The following CADM2 variants were observed in gnomAD, a reference collection of about 807,000 sequenced individuals.
The protein encoded by CADM2 is immunoglobulin superfamily member 4D.
A neutral mutation model predicts 49.8 loss-of-function variants in CADM2; 12 were observed. That is an observed-to-expected ratio of 0.24 (90% CI 0.15 to 0.39). The LOEUF (loss-of-function observed/expected upper bound fraction) is 0.39. CADM2 is among the 10% of genes least tolerant of loss of function. The pLI is 1.00. For synonymous variants in CADM2, 214 were observed against 175.4 expected, an observed-to-expected ratio of 1.22 and a Z score of -1.74; for missense variants, 378 against 492.3, an observed-to-expected ratio of 0.77 and a Z score of 2.20.
intron 8 of CADM2, among the ~76,000 whole-genome samples, chr3:85,986,021 A>T (rs1266877724): frequency 3.9e-5 from 6 of 152,070 alleles, no homozygotes; most frequent in Admixed American, 3.9e-4. Context: ...AAGCTAAAGC[A>T]AACACCACAT....
chr3:85,108,320 G>A lies in CADM2; in HGVS notation c.61+148652G>A, dbSNP rs561839272. 5.3e-5 allele frequency among the ~76,000 whole-genome samples: 8 copies of A among 152,302 alleles called. No individual in the cohort carries two copies. In the East Asian group the frequency reaches 1.4e-3, roughly 26 times the overall value. On this transcript the variant is annotated intron_variant, in intron 1 of 9. Transcript: ENST00000383699. ...TGGAAACAAATGTCTGTAAATGGTT[G>A]CATAGATAAAATGTGGTGTATGCAT... is the stretch of plus-strand genomic sequence containing the variant.
chr3:85,321,116 A>ATATATATT (rs2044596196), intron 1 of CADM2, among the ~76,000 whole-genome samples: 9 of 27,494 alleles, frequency 3.3e-4, no homozygotes, highest in South Asian at 1.1e-3. Context: ...ATATATATAT[A>ATATATATT]TTTTTTTTTT....
chr3:85,512,263 C>CT (rs1167913949), intron 1 of CADM2, among the ~76,000 whole-genome samples: 1 of 152,024 alleles, frequency 6.6e-6, no homozygotes, highest in Non-Finnish European at 1.5e-5. Context: ...TGAGAACAGG[C>CT]TATATTTAGT....
chr3:85,559,639 G>A lies in CADM2; in HGVS notation c.62-166883G>A, dbSNP rs140862379. Reference sequence around the variant, plus strand: ...TTTAAAAATCTATTTTATTGCTTAAGCCATGATTTAAAAGAAACACACACA... The same window carrying A: ...TTTAAAAATCTATTTTATTGCTTAAACCATGATTTAAAAGAAACACACACA... On this transcript the variant is annotated intron_variant, in intron 1 of 9. Coordinates refer to ENST00000383699, the MANE Select transcript of CADM2 (RefSeq NM_001167675.2). Among the ~76,000 whole-genome samples, 17 of 148,490 alleles carry A rather than the reference G, an allele frequency of 1.1e-4. 1 individual carries two copies. In the East Asian group the frequency reaches 2.0e-3, roughly 17 times the overall value.
At chr3:85,603,404 T>A (rs1369055200) in intron 1 of CADM2, among the ~76,000 whole-genome samples, 1 of 151,354 alleles carries the variant, frequency 6.6e-6, no homozygotes, top group African/African-American at 2.4e-5. Flanking sequence ...TTAATTTTTG[T>A]TTTTTTCTCA....
chr3:85,261,808 AAAAAC>A (rs2043019396), intron 1 of CADM2, among the ~76,000 whole-genome samples: 1 of 151,580 alleles, frequency 6.6e-6, no homozygotes, highest in African/African-American at 2.4e-5. Context: ...TTTCTAAATT[AAAAAC>A]AAAACAAAAC....
At chr3:85,902,360 A>G (rs943215827) in intron 5 of CADM2, among the ~76,000 whole-genome samples, 4 of 151,784 alleles carry the variant, frequency 2.6e-5, no homozygotes, top group South Asian at 2.1e-4. Context: ...TGCTGTTTGT[A>G]TCATATATTA....
intron 1 of CADM2, among the ~76,000 whole-genome samples, chr3:85,198,766 C>G (rs751044725): frequency 6.6e-6 from 1 of 151,814 alleles, no homozygotes; most frequent in African/African-American, 2.4e-5. Flanking sequence ...GTTGTCCCTT[C>G]TACATTCTTT....
intron 1 of CADM2, among the ~76,000 whole-genome samples, chr3:85,064,768 T>C (rs1273967359): frequency 6.6e-6 from 1 of 152,134 alleles, no homozygotes; most frequent in African/African-American, 2.4e-5. Flanking sequence ...ATTTCTCTCT[T>C]CTCTGCTGGC....
chr3:84,972,784 T>C (rs1285902610), intron 1 of CADM2, among the ~76,000 whole-genome samples: 3 of 152,254 alleles, frequency 2.0e-5, no homozygotes, highest in African/African-American at 7.2e-5. Context: ...TGTAAAATGC[T>C]GGATGTATAA....
chr3:85,883,207 T>A, intron 3 of CADM2, 84 bp from the exon 4 acceptor site: 1 of 1,032,640 alleles, frequency 9.7e-7, no homozygotes, highest in East Asian at 2.8e-5. Context: ...AAACATTTAT[T>A]GTATTGTGTT....
In CADM2 at chr3:85,753,737, C is replaced by G. The variant is rs181364660; in HGVS notation, c.88+27189C>G. ...GTAAGGGTAGAGAAAATTATGACAC[C>G]TGTTCTGATATGACTCCTATTGTTA... On this transcript the variant is annotated intron_variant, in intron 2 of 9. Transcript: ENST00000383699. Among the ~76,000 whole-genome samples the G allele has an allele frequency of 5.9e-3, 895 of 152,140 alleles. 4 individuals are homozygous for G. Among genetic ancestry groups the G allele is most frequent in the Non-Finnish European group, 0.01 (691 of 68,006 alleles).
chr3:85,458,516 A>G (rs34479491), intron 1 of CADM2, among the ~76,000 whole-genome samples: 6 of 152,212 alleles, frequency 3.9e-5, no homozygotes, highest in Non-Finnish European at 7.4e-5. Context: ...AGAGAATTAG[A>G]AAAGGTCATA....
At chr3:85,325,270 A>G (rs2044719276) in intron 1 of CADM2, among the ~76,000 whole-genome samples, 1 of 152,234 alleles carries the variant, frequency 6.6e-6, no homozygotes, top group Admixed American at 6.5e-5. Flanking sequence ...AATGAACTTG[A>G]TAGTGTCAAA....
chr3:85,046,402 A>G (rs2107385502), intron 1 of CADM2, among the ~76,000 whole-genome samples: 1 of 150,880 alleles, frequency 6.6e-6, no homozygotes, highest in Middle Eastern at 3.4e-3. Context: ...TTCCACAACC[A>G]ACAGCAAAAT....
At chr3:85,875,578 T>A (rs1711712222) in intron 3 of CADM2, among the ~76,000 whole-genome samples, 1 of 152,166 alleles carries the variant, frequency 6.6e-6, no homozygotes, top group Admixed American at 6.6e-5. Flanking sequence ...AAAGTTGTCC[T>A]CACTGAAGCT....
intron 1 of CADM2, among the ~76,000 whole-genome samples, chr3:85,325,183 G>A (rs894956322): frequency 2.6e-5 from 4 of 152,112 alleles, no homozygotes; most frequent in Non-Finnish European, 5.9e-5. Context: ...GTTTTGTAAC[G>A]TCGAGATCTT....
At chr3:85,321,116 A>ATATATT (rs2044596196) in intron 1 of CADM2, among the ~76,000 whole-genome samples, 11 of 27,494 alleles carry the variant, frequency 4.0e-4, no homozygotes, top group Admixed American at 6.2e-4. Context: ...ATATATATAT[A>ATATATT]TTTTTTTTTT....
chr3:85,826,854 C>A (rs903713112), intron 3 of CADM2, among the ~76,000 whole-genome samples: 1 of 151,852 alleles, frequency 6.6e-6, no homozygotes, highest in Admixed American at 6.6e-5. Flanking sequence ...CAGAATCGGG[C>A]CTCTACTTGA....
Sources: allele counts gnomAD v4.1 joint callset (sites outside exome capture counted in the v4.1 genomes callset), GRCh38; gene constraint gnomAD v4.1.1; transcripts MANE v1.5; gene names NCBI Gene and HGNC (gene_info 2026-07-23, HGNC 2026-07-21).